Variants in ADAM32 observed in about 807,000 individuals in gnomAD.
ADAM32 encodes the protein disintegrin and metalloproteinase domain-containing protein 32.
Under a neutral mutation model 114.9 loss-of-function variants are expected in ADAM32, and 89 were observed. The observed-to-expected ratio is 0.77, with a 90% CI of 0.65 to 0.92. The LOEUF (loss-of-function observed/expected upper bound fraction) is 0.92, where lower values mean the gene tolerates loss of function less well. Ranked by LOEUF, ADAM32 falls within the 40% of genes least tolerant of loss-of-function variation. The pLI, the probability that ADAM32 is intolerant of heterozygous loss-of-function variation, is 0.00. For missense variants in ADAM32, 870 were observed against 932.8 expected (o/e 0.93, Z 0.88); for synonymous variants, 285 against 307.5 (o/e 0.93, Z 0.77).
intron 2 of ADAM32, among the ~76,000 whole-genome samples, chr8:39,120,556 G>T (rs1402893820): frequency 6.6e-6 from 1 of 152,076 alleles, no homozygotes; most frequent in East Asian, 1.9e-4. Context: ...GAGGTCAGGA[G>T]TTCAAGACCA....
chr8:39,120,433 T>C (rs1840543431), intron 2 of ADAM32, among the ~76,000 whole-genome samples: 1 of 152,154 alleles, frequency 6.6e-6, no homozygotes, highest in African/African-American at 2.4e-5. Flanking sequence ...CATATCATTA[T>C]GAACAGAATA....
intron 15 of ADAM32, among the ~76,000 whole-genome samples, chr8:39,232,412 C>T (rs1015817740): frequency 6.6e-6 from 1 of 152,120 alleles, no homozygotes; most frequent in Admixed American, 6.6e-5. Flanking sequence ...GCTCATTTTT[C>T]CTTTCCATCC....
At chr8:39,220,706 T>A (rs1346534454) in intron 12 of ADAM32, among the ~76,000 whole-genome samples, 1 of 152,098 alleles carries the variant, frequency 6.6e-6, no homozygotes, top group Non-Finnish European at 1.5e-5. Context: ...TTAATTTCTG[T>A]GTGCTTGTGT....
intron 16 of ADAM32, among the ~76,000 whole-genome samples, chr8:39,236,270 CATT>C (rs1046498467): frequency 1.3e-5 from 2 of 151,876 alleles, no homozygotes; most frequent in Non-Finnish European, 2.9e-5. Flanking sequence ...CAATATATGC[CATT>C]ATTATATGGA....
intron 13 of ADAM32, among the ~76,000 whole-genome samples, chr8:39,222,143 C>A (rs1411520794): frequency 6.6e-6 from 1 of 152,012 alleles, no homozygotes; most frequent in East Asian, 1.9e-4. Flanking sequence ...GTACATGTAG[C>A]ATAACATTTA....
At chr8:39,196,951 G>A (rs1239975844) in intron 11 of ADAM32, among the ~76,000 whole-genome samples, 2 of 152,030 alleles carry the variant, frequency 1.3e-5, no homozygotes, top group East Asian at 3.8e-4. Flanking sequence ...ATAGAATTTA[G>A]CAGTAAAGTC....
intron 6 of ADAM32, among the ~76,000 whole-genome samples, chr8:39,160,584 T>C (rs1804445659): frequency 1.5e-5 from 2 of 135,478 alleles, no homozygotes; most frequent in African/African-American, 2.8e-5. Context: ...TCCACACACA[T>C]ATAGTTTTTA....
chr8:39,157,567 C>T, intron 6 of ADAM32: 1 of 524,064 alleles, frequency 1.9e-6, no homozygotes, highest in Non-Finnish European at 3.7e-6. Flanking sequence ...GCAATCTGGT[C>T]TTTCTTGAGT....
At chr8:39,272,792 T>C (rs1317037664) in intron 20 of ADAM32, among the ~76,000 whole-genome samples, 4 of 152,204 alleles carry the variant, frequency 2.6e-5, no homozygotes, top group Non-Finnish European at 4.4e-5. Context: ...TTCAATAATA[T>C]ATTAACCTTA....
At chr8:39,117,576 G>C (rs971917065) in intron 1 of ADAM32, among the ~76,000 whole-genome samples, 5 of 151,170 alleles carry the variant, frequency 3.3e-5, no homozygotes, top group African/African-American at 1.2e-4. Context: ...TTGTTCTTTA[G>C]TCTTTTAACA....
chr8:39,232,198 C>T (rs1291105176), intron 15 of ADAM32, 63 bp downstream of exon 15: 2 of 1,355,568 alleles, frequency 1.5e-6, no homozygotes, highest in Non-Finnish European at 2.0e-6. Context: ...AAAACTTTGC[C>T]CCCTTCTGTG....
At chr8:39,241,661 C>CA (rs1370200362) in intron 16 of ADAM32, among the ~76,000 whole-genome samples, 1 of 152,226 alleles carries the variant, frequency 6.6e-6, no homozygotes, top group Non-Finnish European at 1.5e-5. Flanking sequence ...TGGCTGGATG[C>CA]AGGGCACCAA....
chr8:39,221,735 A>C, intron 13 of ADAM32, 33 bp downstream of exon 13: 3 of 1,518,018 alleles, frequency 2.0e-6, no homozygotes, highest in Non-Finnish European at 2.7e-6. Context: ...TCTTTCAAAT[A>C]TATAACAAAT....
intron 10 of ADAM32, among the ~76,000 whole-genome samples, chr8:39,178,978 G>A (rs1288296905): frequency 7.2e-5 from 11 of 152,092 alleles, no homozygotes; most frequent in Non-Finnish European, 1.5e-5. Context: ...ATCTGTAGGA[G>A]GTCTCACCCA....
intron 1 of ADAM32, among the ~76,000 whole-genome samples, chr8:39,117,190 CAGATTTAAGGAAATCAGTATGCTTA>C (rs1840414929): frequency 6.6e-6 from 1 of 152,160 alleles, no homozygotes; most frequent in African/African-American, 2.4e-5. Flanking sequence ...CCCTGTTAAG[CAGATTTAAGGAAATCAGTATGCTTA>C]TGTGATCTTC....
intron 16 of ADAM32, among the ~76,000 whole-genome samples, chr8:39,244,518 T>A (rs1451528122): frequency 6.6e-6 from 1 of 152,188 alleles, no homozygotes; most frequent in East Asian, 1.9e-4. Context: ...AACTGATCTT[T>A]GACAAAGCAA....
intron 10 of ADAM32, among the ~76,000 whole-genome samples, chr8:39,178,919 C>T (rs1246002373): frequency 1.3e-5 from 2 of 152,146 alleles, no homozygotes; most frequent in Non-Finnish European, 2.9e-5. Context: ...TGAGCTCCAT[C>T]CCAGGAGGGC....
chr8:39,276,508 A>C (rs1455142648), intron 22 of ADAM32, among the ~76,000 whole-genome samples: 2 of 152,146 alleles, frequency 1.3e-5, no homozygotes. Flanking sequence ...TCTGAGTTAC[A>C]GTTTTTATAT....
At chr8:39,181,318 G>C (rs766869104) in intron 10 of ADAM32, among the ~76,000 whole-genome samples, 5 of 152,072 alleles carry the variant, frequency 3.3e-5, no homozygotes, top group Admixed American at 2.6e-4. Context: ...CAGACGTGCC[G>C]TCTTAAGAAC....
Sources: allele counts gnomAD v4.1 joint callset (sites outside exome capture counted in the v4.1 genomes callset), GRCh38; gene constraint gnomAD v4.1.1; transcripts MANE v1.5; gene names NCBI Gene and HGNC (gene_info 2026-07-23, HGNC 2026-07-21).